CUX1: variants seen among roughly 807,000 people sequenced by gnomAD.
The protein encoded by CUX1 is protein CASP.
Under a neutral mutation model 158.8 loss-of-function variants are expected in CUX1, and 31 were observed. The ratio of observed to expected loss-of-function variants is 0.20; its 90% CI spans 0.15 to 0.26. The LOEUF is 0.26. Ranked by LOEUF, CUX1 falls within the 10% of genes least tolerant of loss-of-function variation. The pLI, the probability that CUX1 is intolerant of heterozygous loss-of-function variation, is 1.00. For synonymous variants in CUX1, 879 were observed against 862.1 expected (o/e 1.02, Z -0.34); for missense variants, 1,589 against 2,014.6 (o/e 0.79, Z 4.04).
chr7:102,160,042 G>A (rs142236461), intron 9 of CUX1, among the ~76,000 whole-genome samples: 7 of 152,088 alleles, frequency 4.6e-5, no homozygotes, highest in Admixed American at 3.9e-4. Flanking sequence ...TTAGCCGGGT[G>A]CGGTGACATG....
rs66627422 is a variant in CUX1 at position 102,211,778 on chromosome 7, T to TA, written c.3130+6633dup. 3.4e-3 allele frequency among the ~76,000 whole-genome samples: 262 copies of TA among 77,418 alleles called. 3 individuals are homozygous for TA. Among genetic ancestry groups the TA allele is most frequent in the African/African-American group, 9.0e-3 (193 of 21,390 alleles). 50.8% of individuals were successfully genotyped at this position (77,418 alleles called of 152,430 possible). On this transcript the variant is annotated intron_variant, in intron 20 of 23. Transcript: ENST00000292535. Reference sequence around the variant, plus strand: ...AGGGTGACAAGAGTGAAACTCCATCTAAAAAAAAAAAAAAAAAAAAAAAAA... The same window carrying TA: ...AGGGTGACAAGAGTGAAACTCCATCTAAAAAAAAAAAAAAAAAAAAAAAAAA...
Position 101,828,396 on chromosome 7 carries a change from AAAG to A in CUX1, c.30+10729_30+10731del, listed in dbSNP as rs563210882. Among the ~76,000 whole-genome samples, 6 of 152,348 alleles carry A rather than the reference AAAG, an allele frequency of 3.9e-5. No individual in the cohort carries two copies. The South Asian group carries it at 1.2e-3, about 32-fold the overall frequency. On this transcript the variant is annotated intron_variant, in intron 1 of 23. Coordinates refer to ENST00000292535, the MANE Select transcript of CUX1 (RefSeq NM_181552.4). The stretch of plus-strand genomic sequence containing the variant: ...TGTACCTGTGGCACATAGAACACAA[AAAG>A]ATCCACATTTTTAAAAACAGCATTG...
chr7:102,242,272 C>T (rs1188984444), intron 23 of CUX1, among the ~76,000 whole-genome samples: 2 of 143,072 alleles, frequency 1.4e-5, no homozygotes. Context: ...AGTACAGCAG[C>T]ACGATCTCGG....
chr7:101,969,359 C>CAAAAAAAAAAAA (rs10711703), intron 2 of CUX1, among the ~76,000 whole-genome samples: 8 of 56,118 alleles, frequency 1.4e-4, no homozygotes, highest in African/African-American at 3.0e-4. Flanking sequence ...CAAAAAACAG[C>CAAAAAAAAAAAA]AAAAAAAAAA....
At chr7:101,816,568 GCGCC>G (rs1304334565), upstream of CUX1, among the ~76,000 whole-genome samples, 3 of 141,298 alleles carry the variant, frequency 2.1e-5, no homozygotes, top group Non-Finnish European at 4.7e-5. Flanking sequence ...CCCGGCGGTG[GCGCC>G]CGCCCGCCCG....
At chr7:102,176,558 C>CTTTTTTTTT (rs60973137) in intron 10 of CUX1, among the ~76,000 whole-genome samples, 5 of 86,758 alleles carry the variant, frequency 5.8e-5, no homozygotes, top group Non-Finnish European at 8.4e-5. Flanking sequence ...GCCAGGATTC[C>CTTTTTTTTT]TTTTTTTTTT....
In CUX1 at chr7:101,916,131, C is replaced by T; in HGVS notation, c.47C>T (p.Thr16Ile). The T allele has an allele frequency of 6.2e-7, 1 of 1,613,386 alleles. No individual in the cohort carries two copies. Among genetic ancestry groups the T allele is most frequent in the South Asian group, 1.1e-5 (1 of 91,056 alleles). The change falls in exon 2 of 24, where the codon ACC becomes ATC. Residue 16 changes from threonine to isoleucine, a missense_variant. This residue lies in a region of CUX1 where 63 missense variants were observed against 109.2 expected (regional missense o/e 0.58). Coordinates refer to ENST00000292535, the MANE Select transcript of CUX1 (RefSeq NM_181552.4). This position sits in a 1 kb window ranked among gnomAD's most constrained non-coding sequence, Gnocchi z 4.4. ...GARLKRELDA[T>I]ATVLANRQDE... is the part of the protein sequence containing the mutation. ...CCCCAACAGAGAGAACTCGATGCCA[C>T]CGCAACGGTATTGGCGAACCGGCAG...
chr7:101,925,506 A>G (rs1396708629), intron 2 of CUX1, among the ~76,000 whole-genome samples: 2 of 152,210 alleles, frequency 1.3e-5, no homozygotes, highest in Admixed American at 6.5e-5. Context: ...TTTTTGGAAT[A>G]TAAAAATGTC....
chr7:101,835,403 T>A (rs1172195885), intron 1 of CUX1, among the ~76,000 whole-genome samples: 1 of 152,200 alleles, frequency 6.6e-6, no homozygotes, highest in Non-Finnish European at 1.5e-5. Context: ...CATCAGCTAG[T>A]AAACATTCGA....
intron 6 of CUX1, among the ~76,000 whole-genome samples, chr7:102,110,066 C>T (rs181798204): frequency 1.3e-5 from 2 of 152,256 alleles, no homozygotes; most frequent in East Asian, 3.9e-4. Context: ...GAATGTGGTG[C>T]ACGTTGTGAT....
At chr7:102,068,125 T>C (rs187003998) in intron 3 of CUX1, among the ~76,000 whole-genome samples, 83 of 152,070 alleles carry the variant, frequency 5.5e-4, no homozygotes, top group African/African-American at 2.0e-3. Context: ...ATGGTCTCGC[T>C]GTGTTGCCCA....
At chr7:102,049,464 T>C (rs1485744161) in intron 3 of CUX1, among the ~76,000 whole-genome samples, 1 of 152,160 alleles carries the variant, frequency 6.6e-6, no homozygotes, top group African/African-American at 2.4e-5. Flanking sequence ...CTGTAAAGCC[T>C]GAAGAGTGTC....
In CUX1 at chr7:102,227,354, G is replaced by T. The variant is rs1554528939; in HGVS notation, c.3131-13G>T. The stretch of plus-strand genomic sequence containing the variant: ...TATTTTCAGGCACGGTTTCTCGTGT[G>T]CTTTAATTACAGAAAGCACTCCAAA... On this transcript the variant is annotated splice_polypyrimidine_tract_variant and intron_variant, in intron 20 of 23. Coordinates refer to ENST00000292535, the MANE Select transcript of CUX1 (RefSeq NM_181552.4). The T allele has an allele frequency of 6.3e-7, 1 of 1,594,464 alleles. No individual in the cohort carries two copies. The highest frequency in any genetic ancestry group is 8.6e-7 in the Non-Finnish European group (1 of 1,165,812).
intron 8 of CUX1, 52 bp from the exon 9 acceptor site, chr7:102,158,508 C>A (rs373155551): frequency 3.8e-5 from 60 of 1,591,428 alleles, no homozygotes; most frequent in Admixed American, 1.5e-4. Context: ...TCAGTCACCC[C>A]CTGAGCCGGT....
chr7:101,958,974 C>A (rs1810120548), intron 2 of CUX1, among the ~76,000 whole-genome samples: 1 of 150,890 alleles, frequency 6.6e-6, no homozygotes, highest in African/African-American at 2.4e-5. Context: ...CCCACCTCAG[C>A]CCTCCTAAGT....
At chr7:102,048,127 C>T (rs1823033076) in intron 3 of CUX1, among the ~76,000 whole-genome samples, 1 of 152,184 alleles carries the variant, frequency 6.6e-6, no homozygotes, top group African/African-American at 2.4e-5. Flanking sequence ...GGGGCATCAT[C>T]ATCATTCTGA....
At chr7:102,214,403 A>G (rs1304283926) in intron 20 of CUX1, among the ~76,000 whole-genome samples, 3 of 152,220 alleles carry the variant, frequency 2.0e-5, no homozygotes, top group Admixed American at 6.5e-5. Context: ...GTGCGCCTGT[A>G]GTCCCAGCTA....
chr7:101,968,433 T>C (rs1187738541), intron 2 of CUX1, among the ~76,000 whole-genome samples: 3 of 151,990 alleles, frequency 2.0e-5, no homozygotes, highest in Admixed American at 1.3e-4. Flanking sequence ...TCTAGAATTA[T>C]TATTTTTGAG....
intron 3 of CUX1, among the ~76,000 whole-genome samples, chr7:102,037,919 G>A (rs1204959903): frequency 6.6e-6 from 1 of 151,896 alleles, no homozygotes; most frequent in African/African-American, 2.4e-5. Flanking sequence ...GCTGGGCATG[G>A]TGGCACATGC....
Sources: allele counts gnomAD v4.1 joint callset (sites outside exome capture counted in the v4.1 genomes callset), GRCh38; gene constraint gnomAD v4.1.1; regional missense constraint gnomAD v4.1.1; non-coding constraint Gnocchi (gnomAD v3.1); transcripts MANE v1.5; gene names NCBI Gene and HGNC (gene_info 2026-07-23, HGNC 2026-07-21).